RSF1: variants seen among roughly 807,000 people sequenced by gnomAD.
RSF1 encodes HBV pX-associated protein 8.
Under a neutral mutation model 145.2 loss-of-function variants are expected in RSF1, and 13 were observed. The observed-to-expected ratio is 0.09, with a 90% CI of 0.06 to 0.14. The LOEUF (loss-of-function observed/expected upper bound fraction) is 0.14, where lower values mean the gene tolerates loss of function less well. RSF1 is among the 10% of genes least tolerant of loss of function. The pLI is 1.00. For synonymous variants in RSF1, 577 were observed against 592.6 expected, an observed-to-expected ratio of 0.97 and a Z score of 0.38; for missense variants, 1,517 against 1,718.2, an observed-to-expected ratio of 0.88 and a Z score of 2.07.
At chr11:77,849,127 C>T in the RSF1 span, among the ~76,000 whole-genome samples, 2 of 151,838 alleles carry the variant, frequency 1.3e-5, no homozygotes, top group African/African-American at 4.8e-5. Flanking sequence ...GCCTTGATCT[C>T]CCAGGCTCAA....
intron 4 of RSF1, among the ~76,000 whole-genome samples, chr11:77,730,251 T>A (rs978227923): frequency 6.6e-6 from 1 of 152,086 alleles, no homozygotes; most frequent in Non-Finnish European, 1.5e-5. Context: ...AGGTTTTAGA[T>A]ATATATATAT....
chr11:77,733,092 A>T (rs1298818908), intron 4 of RSF1, among the ~76,000 whole-genome samples: 1 of 152,230 alleles, frequency 6.6e-6, no homozygotes, highest in Non-Finnish European at 1.5e-5. Context: ...AAATACCCAG[A>T]AATGAAATTT....
intron 4 of RSF1, chr11:77,734,479 CT>C: frequency 6.3e-7 from 1 of 1,587,626 alleles, no homozygotes; most frequent in Non-Finnish European, 8.5e-7. Context: ...CGAGGCTTAG[CT>C]TTCATTATCA....
Position 77,672,125 on chromosome 11 carries a change from C to G in RSF1, c.3668G>C (p.Ser1223Thr), listed in dbSNP as rs1450922693. 6.2e-7 allele frequency: 1 copy of G among 1,614,132 alleles called. No homozygotes were observed. The highest frequency in any genetic ancestry group is 8.5e-7 in the Non-Finnish European group (1 of 1,180,010). The change falls in exon 15 of 16, where the codon AGT (serine) becomes ACT (threonine). Residue 1223 changes from serine (S) to threonine (T), a missense_variant. Coordinates refer to ENST00000308488, the MANE Select transcript of RSF1 (RefSeq NM_016578.4). ...RQINYKEDSE[S>T]DGSQKSLRRG... is the part of the protein sequence containing the mutation. The stretch of plus-strand genomic sequence containing the variant: ...TCGCAAACTCTTCTGGGAACCGTCA[C>G]TTTCTGAGTCTTCTTTGTAGTTAAT...
rs761694385 is a variant in RSF1 at position 77,701,582 on chromosome 11, A to T, written c.1647T>A (p.Asp549Glu). ...AAGATAAAGCAGTTTTTGAAGAGAG[A>T]TCTTTTGCCATCTCAGAAGAATCAA... The part of the protein sequence containing the change: ...TSLDSSEMAK[D>E]LSSKTALSST... Residue 549 changes from aspartate (D) to glutamate (E), a missense_variant, in exon 6 of 16, where the codon GAT (aspartate) becomes GAA (glutamate). Physicochemically the swap from Asp to Glu is conservative, Grantham distance 45. This residue lies in a region of RSF1 where 579 missense variants were observed against 553.5 expected (regional missense o/e 1.05). Coordinates refer to ENST00000308488, the MANE Select transcript of RSF1 (RefSeq NM_016578.4). The T allele has an allele frequency of 9.3e-6, 15 of 1,614,010 alleles. No homozygotes were observed. Among genetic ancestry groups the T allele is most frequent in the Non-Finnish European group, 1.2e-5 (14 of 1,179,984 alleles).
At chr11:77,729,097 C>T (rs1694906756) in intron 4 of RSF1, among the ~76,000 whole-genome samples, 1 of 152,140 alleles carries the variant, frequency 6.6e-6, no homozygotes, top group South Asian at 2.1e-4. Context: ...TCTCTGTAGT[C>T]CCACTCTGTT....
At chr11:77,829,191 GCT>G in the RSF1 span, among the ~76,000 whole-genome samples, 2 of 124,686 alleles carry the variant, frequency 1.6e-5, no homozygotes, top group Non-Finnish European at 3.4e-5. Flanking sequence ...TAGAGAGAGA[GCT>G]CTTTCTCTTC....
chr11:77,722,225 C>G (rs553814557), intron 5 of RSF1, among the ~76,000 whole-genome samples: 2 of 152,254 alleles, frequency 1.3e-5, no homozygotes, highest in East Asian at 3.9e-4. Flanking sequence ...AAATGTCCTG[C>G]TCCTCCTCTT....
the RSF1 span, among the ~76,000 whole-genome samples, chr11:77,839,024 A>G: frequency 3.3e-5 from 5 of 152,088 alleles, no homozygotes; most frequent in Non-Finnish European, 5.9e-5. Flanking sequence ...CATTGTTACC[A>G]TATTTTTGTT....
In RSF1 at chr11:77,734,524, T is replaced by C. The variant is rs550849196; in HGVS notation, c.578+6207A>G. The C allele has an allele frequency of 3.8e-6, 6 of 1,585,976 alleles. No individual in the cohort carries two copies. In the East Asian group the frequency reaches 1.1e-4, roughly 29 times the overall value. On this transcript the variant is annotated intron_variant, in intron 4 of 15. Transcript: ENST00000308488. ...CAGGGTGTGCTTGTCAAAGAGATAT[T>C]CTGCCAAGCCAGATTCGAGTGCTCC...
At chr11:77,777,134 A>T (rs1028110737) in intron 1 of RSF1, among the ~76,000 whole-genome samples, 6 of 152,206 alleles carry the variant, frequency 3.9e-5, no homozygotes, top group African/African-American at 1.2e-4. Flanking sequence ...TTTAAAGCAA[A>T]TTCTAGATAT....
chr11:77,775,656 C>G (rs1278937404), intron 1 of RSF1, among the ~76,000 whole-genome samples: 1 of 152,180 alleles, frequency 6.6e-6, no homozygotes, highest in Non-Finnish European at 1.5e-5. Context: ...TGAGCAGGGC[C>G]AGGTCCGGTG....
intron 5 of RSF1, among the ~76,000 whole-genome samples, chr11:77,704,752 G>GT (rs1960503410): frequency 8.1e-6 from 1 of 123,552 alleles, no homozygotes; most frequent in Admixed American, 8.4e-5. Context: ...TGTTTGCCTT[G>GT]GTTTTTTTTT....
rs763598212 is a variant in RSF1, at chr11:77,672,073, G to A, written c.3720C>T (p.His1240=). The change falls in exon 15 of 16, where the codon CAC becomes CAT. Residue 1240 remains histidine (H), a synonymous_variant. Coordinates refer to ENST00000308488, the MANE Select transcript of RSF1 (RefSeq NM_016578.4). The stretch of plus-strand genomic sequence containing the variant: ...TCTCTGAGCTGGAAAGTCTTCGCTT[G>A]TGTACTCGCCTTATTTCTTTACCAC... ...LRRGKEIRRV[H]KRRLSSSESE... 1.2e-6 allele frequency: 2 copies of A among 1,613,624 alleles called. No individual in the cohort carries two copies. Among genetic ancestry groups the A allele is most frequent in the Non-Finnish European group, 1.7e-6 (2 of 1,179,890 alleles).
intron 4 of RSF1, chr11:77,734,502 GGT>G: frequency 6.3e-7 from 1 of 1,588,548 alleles, no homozygotes; most frequent in Non-Finnish European, 8.5e-7. Flanking sequence ...TGTCTCCCAG[GGT>G]GTGCTTGTCA....
the RSF1 span, among the ~76,000 whole-genome samples, chr11:77,861,170 GA>G: frequency 6.6e-6 from 1 of 152,218 alleles, no homozygotes; most frequent in South Asian, 2.1e-4. Context: ...TCAAGCAGGG[GA>G]CAACAAATGG....
At chr11:77,804,574 C>T (rs183331677) in intron 1 of RSF1, among the ~76,000 whole-genome samples, 5 of 152,268 alleles carry the variant, frequency 3.3e-5, no homozygotes, top group East Asian at 1.9e-4. Flanking sequence ...CGGTGGCTCA[C>T]GCCTGTAATC....
intron 1 of RSF1, among the ~76,000 whole-genome samples, chr11:77,778,245 AGC>A (rs1948367885): frequency 1.6e-4 from 4 of 24,682 alleles, no homozygotes; most frequent in Admixed American, 6.4e-4. Context: ...GGAAGGGGAG[AGC>A]ATGGGGGAGG....
chr11:77,856,885 C>A, the RSF1 span, among the ~76,000 whole-genome samples: 1 of 152,182 alleles, frequency 6.6e-6, no homozygotes, highest in African/African-American at 2.4e-5. Context: ...ATATTTCATT[C>A]TTTACTGAAG....
Sources: allele counts gnomAD v4.1 joint callset (sites outside exome capture counted in the v4.1 genomes callset), GRCh38; gene constraint gnomAD v4.1.1; regional missense constraint gnomAD v4.1.1; transcripts MANE v1.5; gene names NCBI Gene and HGNC (gene_info 2026-07-23, HGNC 2026-07-21).